Variants in ZMYM4 observed in about 807,000 individuals in gnomAD.
ZMYM4 encodes the protein zinc finger MYM-type protein 4.
In ZMYM4, 31 loss-of-function variants were observed where a neutral mutation model predicts 183.2. The observed-to-expected ratio is 0.17, with a 90% CI of 0.13 to 0.23. ZMYM4 has a LOEUF of 0.23. Among genes scored for constraint, ZMYM4 ranks in the 10% least tolerant of loss-of-function variants. ZMYM4 has a pLI of 1.00. For synonymous variants in ZMYM4, 592 were observed against 631.2 expected (o/e 0.94, Z 0.93); for missense variants, 1,273 against 1,840.3 (o/e 0.69, Z 5.64).
At chr1:35,293,517 A>G (rs899203760) in intron 1 of ZMYM4, among the ~76,000 whole-genome samples, 3 of 151,918 alleles carry the variant, frequency 2.0e-5, no homozygotes, top group Non-Finnish European at 2.9e-5. Context: ...GGGTTTCGCC[A>G]TGTTGGTCAG....
rs1323145478 is a variant in ZMYM4 at position 35,381,617 on chromosome 1, T to C, written c.1428T>C (p.Arg476=). ...LCSDACFSKF[R]SANNLTMNCC... is the part of the protein sequence containing the mutation. ...GTGATGCCTGCTTCTCTAAGTTTCGTTCTGCTAACAACCTCACCATGAACT... is the reference window on the plus strand; with the variant it reads ...GTGATGCCTGCTTCTCTAAGTTTCGCTCTGCTAACAACCTCACCATGAACT... Residue 476 remains arginine, a synonymous_variant, in exon 9 of 30, where the codon CGT becomes CGC. Transcript: ENST00000314607. 8 of 1,614,230 alleles carry C rather than the reference T, an allele frequency of 5.0e-6. No homozygotes were observed. The highest frequency in any genetic ancestry group is 6.8e-6 in the Non-Finnish European group (8 of 1,180,038).
intron 1 of ZMYM4, among the ~76,000 whole-genome samples, chr1:35,271,172 G>A (rs1639578638): frequency 1.3e-5 from 2 of 152,066 alleles, no homozygotes; most frequent in African/African-American, 4.8e-5. Context: ...GTTAATTCAG[G>A]GAGATTTCTG....
intron 2 of ZMYM4, among the ~76,000 whole-genome samples, chr1:35,347,672 A>G (rs926306316): frequency 6.6e-5 from 10 of 152,178 alleles, no homozygotes; most frequent in African/African-American, 2.2e-4. Context: ...TTTATAAGTA[A>G]CAGAACTATG....
At chr1:35,338,796 C>G (rs1643079754) in intron 2 of ZMYM4, among the ~76,000 whole-genome samples, 1 of 152,018 alleles carries the variant, frequency 6.6e-6, no homozygotes, top group South Asian at 2.1e-4. Flanking sequence ...ATCTATTACC[C>G]ACTTGCTATT....
intron 2 of ZMYM4, among the ~76,000 whole-genome samples, chr1:35,352,937 C>G: frequency 6.6e-6 from 1 of 152,304 alleles, no homozygotes; most frequent in South Asian, 2.1e-4. Context: ...CCAGTCTTCT[C>G]TTAACTACAG....
chr1:35,321,589 CTG>C (rs141218579), intron 1 of ZMYM4, among the ~76,000 whole-genome samples: 12,950 of 147,114 alleles, frequency 0.088, 1,211 homozygotes, highest in East Asian at 0.44. Context: ...ACTTTCAGAG[CTG>C]TGTGTGTGTG....
chr1:35,312,289 A>T (rs1419239291), intron 1 of ZMYM4, among the ~76,000 whole-genome samples: 3 of 152,078 alleles, frequency 2.0e-5, no homozygotes, highest in African/African-American at 7.2e-5. Flanking sequence ...GTTTTCAGCC[A>T]TTATTTCTTC....
intron 2 of ZMYM4, among the ~76,000 whole-genome samples, chr1:35,352,265 G>A (rs1447254344): frequency 3.2e-4 from 27 of 85,488 alleles, no homozygotes; most frequent in African/African-American, 9.0e-4. Flanking sequence ...GCGCACGCGC[G>A]CGCGCACACA....
Position 35,397,630 on chromosome 1 carries a change from G to A in ZMYM4, c.3199+85G>A, listed in dbSNP as rs913617216. 5.6e-6 allele frequency: 7 copies of A among 1,255,456 alleles called. No homozygotes were observed. The African/African-American group carries it at 9.1e-5, about 16-fold the overall frequency. 77.8% of individuals were successfully genotyped at this position (1,255,456 alleles called of 1,614,324 possible). On this transcript the variant is annotated intron_variant, in intron 20 of 29. Coordinates refer to ENST00000314607, the MANE Select transcript of ZMYM4 (RefSeq NM_005095.3). ...CTCAAGTAATTTTAAGTATAAGACA[G>A]GGTGTTTCTAAAACCTTTATTGTCT...
chr1:35,357,732 G>A (rs1477859403), intron 2 of ZMYM4, among the ~76,000 whole-genome samples: 1 of 152,176 alleles, frequency 6.6e-6, no homozygotes. Context: ...TGATTTTAGA[G>A]ATGCTAAGTT....
intron 2 of ZMYM4, among the ~76,000 whole-genome samples, chr1:35,358,189 A>G (rs778525936): frequency 1.2e-4 from 18 of 152,144 alleles, no homozygotes; most frequent in Non-Finnish European, 2.4e-4. Context: ...TTTTCCTACA[A>G]GTTTGTGAAG....
chr1:35,399,604 T>G, intron 23 of ZMYM4, 28 bp downstream of exon 23: 1 of 1,610,254 alleles, frequency 6.2e-7, no homozygotes, highest in Non-Finnish European at 8.5e-7. Context: ...TTTTCTAGAC[T>G]TTTCTTTCCT....
At chr1:35,408,503 T>C (rs956704043) in intron 26 of ZMYM4, among the ~76,000 whole-genome samples, 23 of 152,074 alleles carry the variant, frequency 1.5e-4, no homozygotes, top group South Asian at 1.2e-3. Context: ...TTTGGGAGGC[T>C]GAGATGGGAG....
In ZMYM4 at chr1:35,363,065, C is replaced by G. The variant is rs561945448; in HGVS notation, c.840+1276C>G. 1.2e-4 allele frequency among the ~76,000 whole-genome samples: 18 copies of G among 152,196 alleles called. No homozygotes were observed. The South Asian group carries it at 2.9e-3, about 25-fold the overall frequency. The stretch of plus-strand genomic sequence containing the variant: ...CGGGTGCCTGTAATTCCAGCTACTT[C>G]GGAGGCTGAGGGAGGAGAATCACTT... On this transcript the variant is annotated intron_variant, in intron 5 of 29. Coordinates refer to ENST00000314607, the MANE Select transcript of ZMYM4 (RefSeq NM_005095.3).
intron 1 of ZMYM4, among the ~76,000 whole-genome samples, chr1:35,269,561 A>C (rs924405459): frequency 6.6e-6 from 1 of 152,070 alleles, no homozygotes; most frequent in Non-Finnish European, 1.5e-5. Flanking sequence ...CCCTCCCCCC[A>C]TAGCCGTTAT....
At chr1:35,414,232 G>A (rs112305087) in intron 27 of ZMYM4, 149 bp downstream of exon 27, 1 of 592,836 alleles carries the variant, frequency 1.7e-6, no homozygotes, top group African/African-American at 1.9e-5. Flanking sequence ...TTGGTTTATT[G>A]TTGATTGTTT....
Position 35,407,455 on chromosome 1 carries a change from A to AAAAG in ZMYM4, c.3797-552_3797-549dup, listed in dbSNP as rs922399322. On this transcript the variant is annotated intron_variant, in intron 25 of 29. Coordinates refer to ENST00000314607, the MANE Select transcript of ZMYM4 (RefSeq NM_005095.3). Reference sequence around the variant, plus strand: ...AAAAAAAAAAAAAAGAAAGAAAAGAAAAAGTTGAATAGCTTTCTTTTTTGC... The same window carrying AAAAG: ...AAAAAAAAAAAAAAGAAAGAAAAGAAAAAGAAAGTTGAATAGCTTTCTTTTTTGC... Among the ~76,000 whole-genome samples, 13 of 152,278 alleles carry AAAAG rather than the reference A, an allele frequency of 8.5e-5. 2 individuals are homozygous for AAAAG. The highest frequency in any genetic ancestry group is 2.6e-4 in the African/African-American group (11 of 41,574).
At chr1:35,396,756 T>G in intron 19 of ZMYM4, 86 bp downstream of exon 19, 3 of 1,436,486 alleles carry the variant, frequency 2.1e-6, no homozygotes, top group Non-Finnish European at 2.8e-6. Context: ...AAGTTTTCAT[T>G]TGTTAGTAAA....
intron 2 of ZMYM4, among the ~76,000 whole-genome samples, chr1:35,340,728 G>T (rs1192198610): frequency 1.3e-5 from 2 of 152,166 alleles, no homozygotes; most frequent in African/African-American, 4.8e-5. Flanking sequence ...GCAATGGGGA[G>T]TGGCTGTAAA....
Sources: allele counts gnomAD v4.1 joint callset (sites outside exome capture counted in the v4.1 genomes callset), GRCh38; gene constraint gnomAD v4.1.1; transcripts MANE v1.5; gene names NCBI Gene and HGNC (gene_info 2026-07-23, HGNC 2026-07-21).